The following PPARGC1A variants were observed in gnomAD, a reference collection of about 807,000 sequenced individuals.
The protein encoded by PPARGC1A is peroxisome proliferator-activated receptor gamma coactivator 1-alpha.
Under a neutral mutation model 88.7 loss-of-function variants are expected in PPARGC1A, and 25 were observed. The ratio of observed to expected loss-of-function variants is 0.28; its 90% CI spans 0.21 to 0.39. The LOEUF (loss-of-function observed/expected upper bound fraction) is 0.39, where lower values mean the gene tolerates loss of function less well. Ranked by LOEUF, PPARGC1A falls within the 10% of genes least tolerant of loss-of-function variation. The pLI, the probability that PPARGC1A is intolerant of heterozygous loss-of-function variation, is 1.00. For missense variants in PPARGC1A, 880 were observed against 968.7 expected (o/e 0.91, Z 1.22); for synonymous variants, 363 against 355.6 (o/e 1.02, Z -0.24).
chr4:24,135,906 A>C, the PPARGC1A span, among the ~76,000 whole-genome samples: 3 of 152,152 alleles, frequency 2.0e-5, no homozygotes, highest in Non-Finnish European at 4.4e-5. Flanking sequence ...TTTAAACACC[A>C]CAGGAGGTAC....
chr4:23,812,597 A>G, intron 10 of PPARGC1A, 150 bp downstream of exon 10: 1 of 1,192,568 alleles, frequency 8.4e-7, no homozygotes, highest in Non-Finnish European at 1.2e-6. Flanking sequence ...GGGACCGAAG[A>G]CTTATGGATA....
chr4:24,205,939 G>A, the PPARGC1A span, among the ~76,000 whole-genome samples: 1 of 152,184 alleles, frequency 6.6e-6, no homozygotes, highest in Non-Finnish European at 1.5e-5. Flanking sequence ...TTTGGAGGAA[G>A]CAAACTTTGA....
chr4:24,018,496 AG>A, the PPARGC1A span, among the ~76,000 whole-genome samples: 1 of 152,148 alleles, frequency 6.6e-6, no homozygotes, highest in East Asian at 1.9e-4. Flanking sequence ...GAGGGTGATG[AG>A]GGGGGGCAAA....
chr4:24,254,185 G>C, the PPARGC1A span, among the ~76,000 whole-genome samples: 5 of 152,238 alleles, frequency 3.3e-5, no homozygotes, highest in African/African-American at 9.6e-5. Context: ...CGAACTGCCT[G>C]GTATCTTCTA....
the PPARGC1A span, among the ~76,000 whole-genome samples, chr4:24,277,739 A>G: frequency 6.6e-6 from 1 of 152,102 alleles, no homozygotes; most frequent in Non-Finnish European, 1.5e-5. Context: ...GAACATTAAC[A>G]TGAGCTAGCA....
chr4:24,347,531 GC>G, the PPARGC1A span, among the ~76,000 whole-genome samples: 2 of 152,080 alleles, frequency 1.3e-5, no homozygotes, highest in African/African-American at 4.8e-5. Context: ...TCTTTTAACT[GC>G]TGTTGCTTTA....
the PPARGC1A span, among the ~76,000 whole-genome samples, chr4:24,468,799 C>T: frequency 6.6e-6 from 1 of 151,916 alleles, no homozygotes; most frequent in Non-Finnish European, 1.5e-5. Flanking sequence ...TTGTTTATAA[C>T]GAGAGGCGTC....
the PPARGC1A span, among the ~76,000 whole-genome samples, chr4:24,286,720 A>G: frequency 6.6e-6 from 1 of 152,166 alleles, no homozygotes; most frequent in South Asian, 2.1e-4. Flanking sequence ...GTAACAAATC[A>G]CCCCAAACTT....
At chr4:23,811,221 A>G (rs1438629393) in intron 10 of PPARGC1A, among the ~76,000 whole-genome samples, 1 of 152,208 alleles carries the variant, frequency 6.6e-6, no homozygotes, top group Non-Finnish European at 1.5e-5. Flanking sequence ...CTGTTGGCCA[A>G]TGCTTGATTT....
the PPARGC1A span, among the ~76,000 whole-genome samples, chr4:24,278,574 G>A: frequency 7.2e-5 from 11 of 152,192 alleles, no homozygotes; most frequent in Admixed American, 3.3e-4. Context: ...GTTATATACT[G>A]CACACAGGCT....
the PPARGC1A span, among the ~76,000 whole-genome samples, chr4:24,009,077 T>C: frequency 7.1e-6 from 1 of 140,210 alleles, no homozygotes; most frequent in East Asian, 2.0e-4. Flanking sequence ...GCATTAATTA[T>C]TATGGTGGCA....
the PPARGC1A span, among the ~76,000 whole-genome samples, chr4:24,014,738 A>G: frequency 4.0e-4 from 61 of 152,228 alleles, no homozygotes; most frequent in African/African-American, 1.4e-3. Context: ...CACCTCAGGA[A>G]AGACCCACCC....
At chr4:23,845,894 C>A (rs745359120) in intron 2 of PPARGC1A, among the ~76,000 whole-genome samples, 1 of 152,260 alleles carries the variant, frequency 6.6e-6, no homozygotes, top group Middle Eastern at 3.4e-3. Context: ...ACTGAGTGAA[C>A]CCCTTGTGAA....
the PPARGC1A span, among the ~76,000 whole-genome samples, chr4:24,052,909 G>T: frequency 8.4e-6 from 1 of 119,520 alleles, no homozygotes; most frequent in Non-Finnish European, 1.6e-5. Context: ...TCTCACCCAG[G>T]CTGAAGTGCA....
intron 12 of PPARGC1A, among the ~76,000 whole-genome samples, chr4:23,798,208 A>G (rs914027463): frequency 1.3e-5 from 2 of 152,198 alleles, no homozygotes; most frequent in Non-Finnish European, 2.9e-5. Context: ...TACTGCTCAC[A>G]CAAAGCCTGT....
the PPARGC1A span, among the ~76,000 whole-genome samples, chr4:24,005,855 T>C: frequency 0.18 from 26,659 of 151,898 alleles, 2,404 homozygotes; most frequent in South Asian, 0.19. Context: ...ATTCCATTAT[T>C]ATACAGGGTC....
At chr4:24,323,721 G>A in the PPARGC1A span, among the ~76,000 whole-genome samples, 3 of 152,162 alleles carry the variant, frequency 2.0e-5, no homozygotes, top group Admixed American at 6.5e-5. Context: ...CATGAAGTTT[G>A]GTGTCGTGAC....
the PPARGC1A span, among the ~76,000 whole-genome samples, chr4:23,951,289 T>G: frequency 6.6e-6 from 1 of 152,080 alleles, no homozygotes; most frequent in Non-Finnish European, 1.5e-5. Flanking sequence ...GGGAAGGGTA[T>G]GCCAGGCAGA....
the PPARGC1A span, among the ~76,000 whole-genome samples, chr4:24,280,718 G>A: frequency 2.0e-5 from 3 of 152,140 alleles, no homozygotes; most frequent in Admixed American, 2.0e-4. Flanking sequence ...AATCTCCAAT[G>A]GTGCAATGAA....
Sources: gnomAD v4.1 joint callset for allele counts (sites outside exome capture counted in the v4.1 genomes callset) on GRCh38, gnomAD v4.1.1 for gene constraint, MANE v1.5 for transcripts, NCBI Gene and HGNC (gene_info 2026-07-23, HGNC 2026-07-21) for gene names.